ZNF385B: variants seen among roughly 807,000 people sequenced by gnomAD.
ZNF385B encodes zinc finger protein 385B.
In ZNF385B, 23 loss-of-function variants were observed where a neutral mutation model predicts 39.2. The observed-to-expected ratio is 0.59, with a 90% CI of 0.42 to 0.83. The LOEUF is 0.83. Ranked by LOEUF, ZNF385B falls within the 40% of genes least tolerant of loss-of-function variation. The pLI is 0.00. For missense variants in ZNF385B, 552 were observed against 598.9 expected, an observed-to-expected ratio of 0.92 and a Z score of 0.82; for synonymous variants, 205 against 222.6, an observed-to-expected ratio of 0.92 and a Z score of 0.70.
At chr2:179,749,824 T>A (rs1702571926) in intron 3 of ZNF385B, among the ~76,000 whole-genome samples, 1 of 152,150 alleles carries the variant, frequency 6.6e-6, no homozygotes, top group Admixed American at 6.5e-5. Flanking sequence ...GAAAGGTGTA[T>A]TTGGTTTTCA....
At chr2:179,717,830 A>C (rs1357244803) in intron 3 of ZNF385B, among the ~76,000 whole-genome samples, 10 of 152,244 alleles carry the variant, frequency 6.6e-5, no homozygotes, top group Admixed American at 6.5e-4. Context: ...AGGATGAGGA[A>C]AGCGAAAAGC....
At chr2:179,500,915 T>A (rs1429795153) in intron 5 of ZNF385B, among the ~76,000 whole-genome samples, 1 of 151,750 alleles carries the variant, frequency 6.6e-6, no homozygotes, top group Non-Finnish European at 1.5e-5. Context: ...AATAACCCAA[T>A]CAAAAAATGG....
At chr2:179,655,081 G>C (rs1029972054) in intron 3 of ZNF385B, among the ~76,000 whole-genome samples, 1 of 152,162 alleles carries the variant, frequency 6.6e-6, no homozygotes, top group African/African-American at 2.4e-5. Context: ...GCTAGGAAAG[G>C]TTTTGAATAA....
chr2:179,860,583 T>C (rs2170240), intron 1 of ZNF385B, among the ~76,000 whole-genome samples: 60,143 of 151,766 alleles, frequency 0.4, 12,288 homozygotes, highest in Admixed American at 0.51. Flanking sequence ...TTCTCTCTGC[T>C]CCTCTGCCCC....
intron 3 of ZNF385B, among the ~76,000 whole-genome samples, chr2:179,699,450 GAC>G (rs1699007790): frequency 6.6e-6 from 1 of 152,178 alleles, no homozygotes; most frequent in African/African-American, 2.4e-5. Flanking sequence ...TGGCACTAGT[GAC>G]ACACGCCATT....
chr2:179,491,524 A>G (rs1010848243), intron 5 of ZNF385B, among the ~76,000 whole-genome samples: 1 of 152,176 alleles, frequency 6.6e-6, no homozygotes, highest in Non-Finnish European at 1.5e-5. Context: ...AGAGTGAGAA[A>G]ATGAGTTCTC....
chr2:179,578,142 G>A (rs1686053927), intron 3 of ZNF385B, among the ~76,000 whole-genome samples: 1 of 152,008 alleles, frequency 6.6e-6, no homozygotes, highest in African/African-American at 2.4e-5. Flanking sequence ...TATGTATGTT[G>A]CACATTTAAG....
At chr2:179,587,308 G>T (rs1390693965) in intron 3 of ZNF385B, among the ~76,000 whole-genome samples, 1 of 152,062 alleles carries the variant, frequency 6.6e-6, no homozygotes, top group East Asian at 1.9e-4. Context: ...AATTTATTTG[G>T]CTTCTAAAAC....
At chr2:179,822,109 T>C (rs904141657) in intron 1 of ZNF385B, among the ~76,000 whole-genome samples, 1 of 152,156 alleles carries the variant, frequency 6.6e-6, no homozygotes, top group East Asian at 1.9e-4. Context: ...ATGAAAAAAA[T>C]TTCCTACACA....
chr2:179,482,852 A>T (rs1335143353), intron 6 of ZNF385B, among the ~76,000 whole-genome samples: 1 of 152,128 alleles, frequency 6.6e-6, no homozygotes, highest in East Asian at 1.9e-4. Context: ...GAACATAAAA[A>T]TATCTATTAG....
intron 3 of ZNF385B, among the ~76,000 whole-genome samples, chr2:179,553,843 T>G (rs1019788476): frequency 2.0e-5 from 3 of 149,122 alleles, no homozygotes; most frequent in African/African-American, 7.6e-5. Context: ...CCCTCAATTT[T>G]TTTAGCATAG....
chr2:179,584,731 G>C (rs1267004514), intron 3 of ZNF385B, among the ~76,000 whole-genome samples: 2 of 152,104 alleles, frequency 1.3e-5, no homozygotes, highest in African/African-American at 4.8e-5. Context: ...TTGCCTGAGG[G>C]ACAACCAGGT....
intron 3 of ZNF385B, among the ~76,000 whole-genome samples, chr2:179,601,419 G>T (rs1688399893): frequency 6.6e-6 from 1 of 152,096 alleles, no homozygotes; most frequent in African/African-American, 2.4e-5. Context: ...CTGGGTAACA[G>T]CTATAGAGTA....
At chr2:179,637,511 C>A (rs1178329874) in intron 3 of ZNF385B, among the ~76,000 whole-genome samples, 1 of 149,058 alleles carries the variant, frequency 6.7e-6, no homozygotes, top group Non-Finnish European at 1.5e-5. Context: ...AAAAAAAAGT[C>A]TTTAATTTAG....
intron 1 of ZNF385B, among the ~76,000 whole-genome samples, chr2:179,789,349 A>G (rs115595684): frequency 0.017 from 2,621 of 152,332 alleles, 34 homozygotes; most frequent in Non-Finnish European, 0.029. Context: ...AACAGCATGC[A>G]TAGAATTTGT....
At chr2:179,779,172 G>T (rs548342462) in intron 1 of ZNF385B, among the ~76,000 whole-genome samples, 3 of 152,340 alleles carry the variant, frequency 2.0e-5, no homozygotes, top group African/African-American at 4.8e-5. Context: ...TGTAACAGGG[G>T]TTGCCTTGGT....
chr2:179,515,257 T>C (rs2058008578), intron 5 of ZNF385B, among the ~76,000 whole-genome samples: 1 of 152,230 alleles, frequency 6.6e-6, no homozygotes, highest in African/African-American at 2.4e-5. Flanking sequence ...ACTCTTCTAA[T>C]AGGCAAATCC....
intron 3 of ZNF385B, among the ~76,000 whole-genome samples, chr2:179,613,409 C>T (rs1316474134): frequency 3.3e-5 from 5 of 152,154 alleles, no homozygotes; most frequent in Admixed American, 6.5e-5. Context: ...CCAAGGCCCA[C>T]GGCAAGTACT....
At chr2:179,728,629 T>C (rs1701174487) in intron 3 of ZNF385B, among the ~76,000 whole-genome samples, 1 of 152,160 alleles carries the variant, frequency 6.6e-6, no homozygotes, top group South Asian at 2.1e-4. Flanking sequence ...ACTTTGATTT[T>C]AAATTTACTA....
Sources: gnomAD v4.1 joint callset for allele counts (sites outside exome capture counted in the v4.1 genomes callset) on GRCh38, gnomAD v4.1.1 for gene constraint, MANE v1.5 for transcripts, NCBI Gene and HGNC (gene_info 2026-07-23, HGNC 2026-07-21) for gene names.